CACNA2D3: variants seen among roughly 807,000 people sequenced by gnomAD.
CACNA2D3 encodes calcium voltage-gated channel auxiliary subunit alpha2delta 3, also known as voltage-dependent calcium channel subunit alpha-2/delta-3.
In CACNA2D3, 60 loss-of-function variants were observed where a neutral mutation model predicts 160.6. The ratio of observed to expected loss-of-function variants is 0.37; its 90% confidence interval spans 0.30 to 0.46. The LOEUF (loss-of-function observed/expected upper bound fraction) is 0.46. Among genes scored for constraint, CACNA2D3 ranks in the 20% least tolerant of loss-of-function variants. The pLI is 1.00. For missense variants in CACNA2D3, 1,205 were observed against 1,365.0 expected (o/e 0.88, Z 1.85); for synonymous variants, 558 against 492.9 (o/e 1.13, Z -1.75).
intron 4 of CACNA2D3, among the ~76,000 whole-genome samples, chr3:54,405,616 A>G (rs1699561223): frequency 6.6e-6 from 1 of 152,258 alleles, no homozygotes; most frequent in Admixed American, 6.5e-5. Context: ...TAAAACTGCT[A>G]GAAGAAAATA....
intron 10 of CACNA2D3, 111 bp from the exon 11 acceptor site, chr3:54,642,017 T>C (rs1575401197): frequency 1.6e-6 from 1 of 607,170 alleles, no homozygotes; most frequent in Non-Finnish European, 2.9e-6. Flanking sequence ...GTGGACAGTG[T>C]GCTGTCATTT....
In CACNA2D3 at chr3:54,816,964, G is replaced by T. The variant is rs1450441824; in HGVS notation, c.1398+94G>T. On this transcript the variant is annotated intron_variant, in intron 14 of 37. Transcript: ENST00000474759. Reference sequence around the variant, plus strand: ...GTACATTTGACACTGTTCATGACCAGTGAAATGGTTTTTTTCCACAGCTTC... The same window carrying T: ...GTACATTTGACACTGTTCATGACCATTGAAATGGTTTTTTTCCACAGCTTC... 3 of 1,431,874 alleles carry T rather than the reference G, an allele frequency of 2.1e-6. No homozygotes were observed. The African/African-American group carries it at 4.3e-5, about 21-fold the overall frequency. 88.7% of individuals were successfully genotyped at this position (1,431,874 alleles called of 1,614,324 possible).
At chr3:54,716,718 T>G (rs1285552493) in intron 11 of CACNA2D3, among the ~76,000 whole-genome samples, 2 of 152,152 alleles carry the variant, frequency 1.3e-5, no homozygotes, top group African/African-American at 4.8e-5. Context: ...AAGGAGTTTT[T>G]GGGTTTTATT....
chr3:55,031,940 C>T (rs981772877), intron 35 of CACNA2D3, among the ~76,000 whole-genome samples: 1 of 152,172 alleles, frequency 6.6e-6, no homozygotes, highest in African/African-American at 2.4e-5. Flanking sequence ...TTATATATTT[C>T]ACGAGTGATT....
At chr3:54,460,703 C>T (rs200006489) in intron 4 of CACNA2D3, among the ~76,000 whole-genome samples, 6 of 152,146 alleles carry the variant, frequency 3.9e-5, no homozygotes, top group Non-Finnish European at 7.3e-5. Flanking sequence ...TCTAGATATA[C>T]AATCATGTCA....
chr3:54,252,473 A>T (rs1385841082), intron 2 of CACNA2D3, among the ~76,000 whole-genome samples: 1 of 152,140 alleles, frequency 6.6e-6, no homozygotes, highest in Non-Finnish European at 1.5e-5. Flanking sequence ...CCTTTGTTTT[A>T]GAAGTGTTTT....
intron 4 of CACNA2D3, among the ~76,000 whole-genome samples, chr3:54,418,176 C>CGTTA (rs1559476052): frequency 6.6e-6 from 1 of 152,146 alleles, no homozygotes; most frequent in African/African-American, 2.4e-5. Context: ...TTACTCTAGA[C>CGTTA]GTTAGTTTGC....
chr3:54,284,819 A>T (rs1702969200), intron 2 of CACNA2D3, among the ~76,000 whole-genome samples: 1 of 152,248 alleles, frequency 6.6e-6, no homozygotes, highest in African/African-American at 2.4e-5. Flanking sequence ...GGGATTGGCT[A>T]AATAAATGAC....
At chr3:54,184,552 C>A (rs568490667) in intron 2 of CACNA2D3, among the ~76,000 whole-genome samples, 3 of 152,334 alleles carry the variant, frequency 2.0e-5, no homozygotes, top group South Asian at 2.1e-4. Context: ...CCAGAGCATA[C>A]ATAGGCCTTA....
At chr3:54,722,954 A>G (rs1701198276) in intron 11 of CACNA2D3, among the ~76,000 whole-genome samples, 1 of 152,236 alleles carries the variant, frequency 6.6e-6, no homozygotes. Context: ...CTTCAGAGCC[A>G]TCAGGCAGGG....
At chr3:54,558,895 C>G (rs1357022417) in intron 5 of CACNA2D3, among the ~76,000 whole-genome samples, 1 of 152,120 alleles carries the variant, frequency 6.6e-6, no homozygotes, top group Non-Finnish European at 1.5e-5. Context: ...ACCTCATATC[C>G]TGGTGCTATA....
intron 3 of CACNA2D3, among the ~76,000 whole-genome samples, chr3:54,359,089 C>T (rs1418337054): frequency 2.0e-5 from 3 of 152,016 alleles, no homozygotes; most frequent in Non-Finnish European, 2.9e-5. Context: ...GAAATGACCT[C>T]TTATTAAACG....
At chr3:54,305,730 G>A (rs1703583278) in intron 2 of CACNA2D3, among the ~76,000 whole-genome samples, 1 of 152,206 alleles carries the variant, frequency 6.6e-6, no homozygotes, top group African/African-American at 2.4e-5. Flanking sequence ...ACAGTCTTGG[G>A]AGAATTCAGG....
chr3:54,836,231 T>C (rs572726270), intron 14 of CACNA2D3, among the ~76,000 whole-genome samples: 2 of 148,174 alleles, frequency 1.3e-5, no homozygotes, highest in Admixed American at 6.7e-5. Context: ...TTTTTCTTTT[T>C]TTTTTTTTTT....
At chr3:54,201,377 A>G (rs1701176526) in intron 2 of CACNA2D3, among the ~76,000 whole-genome samples, 1 of 152,224 alleles carries the variant, frequency 6.6e-6, no homozygotes, top group Admixed American at 6.5e-5. Flanking sequence ...GCTTATTTGA[A>G]TAAGAATATT....
chr3:54,921,487 A>G (rs953425059), intron 27 of CACNA2D3, among the ~76,000 whole-genome samples: 1 of 152,256 alleles, frequency 6.6e-6, no homozygotes, highest in African/African-American at 2.4e-5. Context: ...ATTTCTTTGG[A>G]GGAGATATTA....
chr3:54,365,518 T>G (rs978591851), intron 3 of CACNA2D3, among the ~76,000 whole-genome samples: 7 of 152,162 alleles, frequency 4.6e-5, no homozygotes, highest in Non-Finnish European at 1.0e-4. Flanking sequence ...TTCATCCTAT[T>G]TTCACTGAGT....
intron 2 of CACNA2D3, among the ~76,000 whole-genome samples, chr3:54,306,237 G>A (rs1224173523): frequency 1.3e-5 from 2 of 152,124 alleles, no homozygotes; most frequent in East Asian, 3.8e-4. Context: ...TCAGGAAGAT[G>A]TGGATGAATT....
At chr3:55,054,754 C>G (rs1339028583) in intron 35 of CACNA2D3, among the ~76,000 whole-genome samples, 3 of 151,828 alleles carry the variant, frequency 2.0e-5, no homozygotes, top group Non-Finnish European at 2.9e-5. Context: ...CATGCATAGT[C>G]AGTTTTGTAC....
Sources: gnomAD v4.1 joint callset for allele counts (sites outside exome capture counted in the v4.1 genomes callset) on GRCh38, gnomAD v4.1.1 for gene constraint, MANE v1.5 for transcripts, NCBI Gene and HGNC (gene_info 2026-07-23, HGNC 2026-07-21) for gene names.